Variants in THSD7B observed in about 807,000 individuals in gnomAD.
THSD7B encodes the protein thrombospondin type-1 domain-containing protein 7B.
THSD7B carries 138 observed loss-of-function variants against 213.6 expected under a neutral mutation model. The observed-to-expected ratio is 0.65, with a 90% confidence interval of 0.56 to 0.74. The LOEUF is 0.74. Ranked by LOEUF, THSD7B falls within the 30% of genes least tolerant of loss-of-function variation. The pLI is 0.00. For synonymous variants in THSD7B, 742 were observed against 687.0 expected (o/e 1.08, Z -1.25); for missense variants, 1,931 against 1,991.5 (o/e 0.97, Z 0.58).
intron 1 of THSD7B, among the ~76,000 whole-genome samples, chr2:136,851,140 T>G (rs1573668854): frequency 6.6e-6 from 1 of 152,146 alleles, no homozygotes; most frequent in Non-Finnish European, 1.5e-5. Context: ...TGAATTTATC[T>G]TTAATGATCT....
At chr2:137,557,954 A>C (rs998833993) in intron 15 of THSD7B, among the ~76,000 whole-genome samples, 5 of 152,242 alleles carry the variant, frequency 3.3e-5, no homozygotes, top group Admixed American at 3.3e-4. Flanking sequence ...AATAAACTAG[A>C]AAATCTAGAA....
intron 3 of THSD7B, among the ~76,000 whole-genome samples, chr2:137,059,410 C>T (rs1339458694): frequency 6.6e-6 from 1 of 152,080 alleles, no homozygotes; most frequent in Non-Finnish European, 1.5e-5. Flanking sequence ...CATTAGGATT[C>T]ATCCTTTGTA....
intron 2 of THSD7B, among the ~76,000 whole-genome samples, chr2:137,041,173 G>C (rs1283255573): frequency 1.3e-5 from 2 of 152,062 alleles, no homozygotes; most frequent in East Asian, 3.9e-4. Context: ...ATTTTTATGT[G>C]GTCTCTGCGT....
chr2:137,482,450 C>A (rs2105107331), intron 15 of THSD7B, among the ~76,000 whole-genome samples: 1 of 152,218 alleles, frequency 6.6e-6, no homozygotes, highest in Non-Finnish European at 1.5e-5. Context: ...TGTGGGTCTC[C>A]AATGGGTGGC....
chr2:137,080,044 G>T (rs146584458), intron 3 of THSD7B, among the ~76,000 whole-genome samples: 2 of 152,240 alleles, frequency 1.3e-5, no homozygotes, highest in African/African-American at 4.8e-5. Context: ...GTTTCACCAT[G>T]TTGGCCAGGC....
chr2:137,347,871 T>C (rs1356341398), intron 12 of THSD7B, among the ~76,000 whole-genome samples: 1 of 151,526 alleles, frequency 6.6e-6, no homozygotes, highest in Non-Finnish European at 1.5e-5. Context: ...GATGTTCATC[T>C]CTAAAGCATT....
In THSD7B at chr2:137,282,883, T is replaced by C. The variant is rs1683062812; in HGVS notation, c.2500+6857T>C. 2.0e-5 allele frequency among the ~76,000 whole-genome samples: 3 copies of C among 152,216 alleles called. No individual in the cohort carries two copies. The South Asian group carries it at 6.2e-4, about 32-fold the overall frequency. On this transcript the variant is annotated intron_variant, in intron 12 of 27. Transcript: ENST00000409968. ...TTTTGACTTAGGATTGACTTGGCAA[T>C]GTGGGCTCTTTTTTGGTTCCAAATG... is the stretch of plus-strand genomic sequence containing the variant.
At chr2:137,169,403 T>C (rs1680198656) in intron 6 of THSD7B, among the ~76,000 whole-genome samples, 1 of 151,494 alleles carries the variant, frequency 6.6e-6, no homozygotes, top group South Asian at 2.1e-4. Context: ...TTAAGAGAGG[T>C]TGGTCTTTCT....
intron 12 of THSD7B, among the ~76,000 whole-genome samples, chr2:137,373,378 A>G (rs1685575704): frequency 6.6e-6 from 1 of 152,088 alleles, no homozygotes; most frequent in South Asian, 2.1e-4. Flanking sequence ...TGACTTTTTA[A>G]TGATTGCTCT....
At chr2:137,543,294 G>C (rs1418372351) in intron 15 of THSD7B, among the ~76,000 whole-genome samples, 1 of 151,698 alleles carries the variant, frequency 6.6e-6, no homozygotes, top group Non-Finnish European at 1.5e-5. Context: ...AAAATATGTA[G>C]AACATTCAGA....
intron 3 of THSD7B, among the ~76,000 whole-genome samples, chr2:137,087,959 G>A (rs199903856): frequency 1.3e-5 from 2 of 152,068 alleles, no homozygotes; most frequent in African/African-American, 4.8e-5. Flanking sequence ...AGGTACACAG[G>A]CCAGGCATGG....
chr2:136,787,590 A>G (rs955623984), intron 1 of THSD7B, among the ~76,000 whole-genome samples: 13 of 152,332 alleles, frequency 8.5e-5, no homozygotes, highest in Non-Finnish European at 7.3e-5. Flanking sequence ...GTTAAGATTC[A>G]AAATCTCTTG....
intron 1 of THSD7B, among the ~76,000 whole-genome samples, chr2:136,879,974 T>C (rs1255990020): frequency 4.6e-5 from 7 of 152,126 alleles, no homozygotes; most frequent in Admixed American, 4.6e-4. Flanking sequence ...AGCAAGCCCT[T>C]AGAAACCTAC....
chr2:137,148,057 A>G (rs1679738853), intron 5 of THSD7B, among the ~76,000 whole-genome samples: 1 of 152,088 alleles, frequency 6.6e-6, no homozygotes, highest in Non-Finnish European at 1.5e-5. Flanking sequence ...AGTTCCCATA[A>G]TCCCCAAGTG....
intron 2 of THSD7B, among the ~76,000 whole-genome samples, chr2:136,954,998 A>T (rs1305597479): frequency 6.6e-6 from 1 of 152,160 alleles, no homozygotes; most frequent in Non-Finnish European, 1.5e-5. Flanking sequence ...ATCTGTAGAC[A>T]GTAATCTTTC....
chr2:137,070,961 G>A (rs530610528), intron 3 of THSD7B, among the ~76,000 whole-genome samples: 13 of 152,074 alleles, frequency 8.5e-5, no homozygotes, highest in East Asian at 1.9e-4. Context: ...CCAATCTGTC[G>A]TTGTTGGACA....
intron 15 of THSD7B, among the ~76,000 whole-genome samples, chr2:137,555,830 A>G (rs1680950214): frequency 6.6e-6 from 1 of 152,176 alleles, no homozygotes; most frequent in South Asian, 2.1e-4. Context: ...AGAATAACCA[A>G]TGCAGAGAAG....
At chr2:136,920,417 C>T (rs1684414639) in intron 2 of THSD7B, among the ~76,000 whole-genome samples, 1 of 152,162 alleles carries the variant, frequency 6.6e-6, no homozygotes, top group Admixed American at 6.5e-5. Context: ...TAATGGGTAG[C>T]TCCTTTCTGT....
At chr2:136,887,329 T>TGTGTGTGTGTGA (rs1553455589) in intron 2 of THSD7B, among the ~76,000 whole-genome samples, 32 of 151,154 alleles carry the variant, frequency 2.1e-4, no homozygotes, top group Middle Eastern at 3.4e-3. Context: ...TGTGTGTGTG[T>TGTGTGTGTGTGA]GACAGGCTTT....
Sources: gnomAD v4.1 joint callset for allele counts (sites outside exome capture counted in the v4.1 genomes callset) on GRCh38, gnomAD v4.1.1 for gene constraint, MANE v1.5 for transcripts, NCBI Gene and HGNC (gene_info 2026-07-23, HGNC 2026-07-21) for gene names.